The following SLC16A7 variants were observed in gnomAD, a reference collection of about 807,000 sequenced individuals.
The protein encoded by SLC16A7 is solute carrier family 16 member 7.
A neutral mutation model predicts 34.9 loss-of-function variants in SLC16A7; 33 were observed. That is an observed-to-expected ratio of 0.94 (90% CI 0.72 to 1.26). The LOEUF (loss-of-function observed/expected upper bound fraction) is 1.26, where lower values mean the gene tolerates loss of function less well. Ranked by LOEUF, SLC16A7 falls within the 50% of genes most tolerant of loss-of-function variation. The pLI is 0.00. For synonymous variants in SLC16A7, 201 were observed against 206.6 expected, an observed-to-expected ratio of 0.97 and a Z score of 0.23; for missense variants, 573 against 578.1, an observed-to-expected ratio of 0.99 and a Z score of 0.09.
At chr12:59,695,551 C>T (rs1454605115) in intron 2 of SLC16A7, among the ~76,000 whole-genome samples, 1 of 152,018 alleles carries the variant, frequency 6.6e-6, no homozygotes, top group Non-Finnish European at 1.5e-5. Context: ...TACTCATAGT[C>T]TTCCTAGTCC....
At chr12:59,723,093 T>A (rs1474056582) in intron 3 of SLC16A7, among the ~76,000 whole-genome samples, 1 of 151,952 alleles carries the variant, frequency 6.6e-6, no homozygotes, top group Non-Finnish European at 1.5e-5. Context: ...AGCAGAGATT[T>A]TTTTTCCTTC....
rs1877349297 is a variant in SLC16A7 at position 59,734,458 on chromosome 12, G to T, written c.217+29440G>T. Among the ~76,000 whole-genome samples, 4 of 152,372 alleles carry T rather than the reference G, an allele frequency of 2.6e-5. 1 individual carries two copies. The highest frequency in any genetic ancestry group is 6.8e-3 in the Middle Eastern group (2 of 294). Reference sequence around the variant, plus strand: ...GCCTGCAGGGGCAGGGGGGCTTCCTGGGCCCCAGAGAGTGCAGGGATGTCC... The same window carrying T: ...GCCTGCAGGGGCAGGGGGGCTTCCTTGGCCCCAGAGAGTGCAGGGATGTCC... On this transcript the variant is annotated intron_variant, in intron 3 of 5. Coordinates refer to ENST00000547379, the MANE Select transcript of SLC16A7 (RefSeq NM_001270623.2).
At chr12:59,694,477 C>G (rs552677445) in intron 2 of SLC16A7, among the ~76,000 whole-genome samples, 2 of 152,024 alleles carry the variant, frequency 1.3e-5, no homozygotes, top group East Asian at 1.9e-4. Flanking sequence ...TTAAATATAT[C>G]CACATCCAAA....
intron 3 of SLC16A7, among the ~76,000 whole-genome samples, chr12:59,724,375 A>C (rs1485427256): frequency 1.3e-5 from 2 of 152,088 alleles, no homozygotes; most frequent in African/African-American, 4.8e-5. Flanking sequence ...ATACTAAAGA[A>C]AGAAGAAAAT....
intron 3 of SLC16A7, chr12:59,719,881 A>T: frequency 1.9e-6 from 1 of 514,600 alleles, no homozygotes; most frequent in Non-Finnish European, 3.4e-6. Context: ...CCCAAAATAG[A>T]CAATTTTCCG....
chr12:59,681,272 C>T (rs1379478718), intron 2 of SLC16A7, among the ~76,000 whole-genome samples: 1 of 152,216 alleles, frequency 6.6e-6, no homozygotes, highest in African/African-American at 2.4e-5. Context: ...ACCATGTCAT[C>T]CATCTTGTTT....
intron 1 of SLC16A7, among the ~76,000 whole-genome samples, chr12:59,636,106 A>G (rs1193494606): frequency 3.9e-5 from 6 of 151,954 alleles, no homozygotes; most frequent in Non-Finnish European, 5.9e-5. Context: ...CCAATCTTCA[A>G]ATAAAGCAAA....
chr12:59,777,973 G>A (rs1409578937), intron 5 of SLC16A7, among the ~76,000 whole-genome samples: 1 of 151,978 alleles, frequency 6.6e-6, no homozygotes, highest in African/African-American at 2.4e-5. Flanking sequence ...CCCTACAGAG[G>A]ACATGAACTC....
At chr12:59,760,977 ATTGTGCATGGATTCTTCTG>A in intron 3 of SLC16A7, 1 of 319,174 alleles carries the variant, frequency 3.1e-6, no homozygotes, top group Non-Finnish European at 6.1e-6. Context: ...ATATCGTAAC[ATTGTGCATGGATTCTTCTG>A]TTAAATATTA....
intron 3 of SLC16A7, chr12:59,719,981 G>A (rs1191631086): frequency 1.9e-5 from 12 of 646,848 alleles, no homozygotes; most frequent in Non-Finnish European, 3.0e-5. Context: ...GAAACAGGAT[G>A]CATACCTGGG....
At chr12:59,703,670 G>A (rs1240228434) in intron 2 of SLC16A7, among the ~76,000 whole-genome samples, 9 of 152,042 alleles carry the variant, frequency 5.9e-5, no homozygotes, top group Non-Finnish European at 1.2e-4. Context: ...GGAGTGCAGT[G>A]GCTCCATCAG....
chr12:59,649,503 T>A (rs1868304748), intron 1 of SLC16A7, among the ~76,000 whole-genome samples: 1 of 152,154 alleles, frequency 6.6e-6, no homozygotes, highest in Admixed American at 6.6e-5. Context: ...AACCACATTA[T>A]TATTTGAGCT....
intron 3 of SLC16A7, among the ~76,000 whole-genome samples, chr12:59,716,804 C>A (rs887797950): frequency 9.2e-5 from 14 of 151,960 alleles, no homozygotes; most frequent in Admixed American, 9.2e-4. Context: ...TGAGATGGCA[C>A]CACTTCACTC....
At chr12:59,630,370 G>A (rs547335737) in intron 1 of SLC16A7, among the ~76,000 whole-genome samples, 380 of 152,012 alleles carry the variant, frequency 2.5e-3, no homozygotes, top group Non-Finnish European at 4.7e-3. Flanking sequence ...ACAGTTGGAA[G>A]ATCATGCTTT....
At chr12:59,661,369 G>A (rs887059407) in intron 2 of SLC16A7, among the ~76,000 whole-genome samples, 3 of 152,050 alleles carry the variant, frequency 2.0e-5, no homozygotes, top group Admixed American at 1.3e-4. Context: ...TTTCATTTTA[G>A]AGAAGAGGAG....
chr12:59,644,049 G>A (rs147337813), intron 1 of SLC16A7, among the ~76,000 whole-genome samples: 184 of 152,196 alleles, frequency 1.2e-3, no homozygotes, highest in Non-Finnish European at 2.1e-3. Flanking sequence ...TATGGATACA[G>A]CATTTGATAA....
chr12:59,757,022 C>T lies in SLC16A7; in HGVS notation c.218-14197C>T, dbSNP rs1004559872. 9.9e-5 allele frequency among the ~76,000 whole-genome samples: 14 copies of T among 141,348 alleles called. 1 individual carries two copies. Among genetic ancestry groups the T allele is most frequent in the African/African-American group, 1.6e-4 (6 of 37,344 alleles). 92.7% of individuals were successfully genotyped at this position (141,348 alleles called of 152,430 possible). On this transcript the variant is annotated intron_variant, in intron 3 of 5. Coordinates refer to ENST00000547379, the MANE Select transcript of SLC16A7 (RefSeq NM_001270623.2). Reference sequence around the variant, plus strand: ...ATCTCAAGAACAAAAAACCAAACACCGCATATTCTCACTCATAGGTGGGAA... The same window carrying T: ...ATCTCAAGAACAAAAAACCAAACACTGCATATTCTCACTCATAGGTGGGAA...
At chr12:59,740,076 T>C (rs537186751) in intron 3 of SLC16A7, among the ~76,000 whole-genome samples, 6,393 of 151,076 alleles carry the variant, frequency 0.042, 417 homozygotes, top group African/African-American at 0.15. Context: ...ATTTTGGCTT[T>C]TGTTGCCATT....
At chr12:59,649,661 G>C (rs1376932712) in intron 1 of SLC16A7, among the ~76,000 whole-genome samples, 1 of 152,052 alleles carries the variant, frequency 6.6e-6, no homozygotes, top group Non-Finnish European at 1.5e-5. Flanking sequence ...TACTTTAAAA[G>C]TTCTAGGCCA....
Sources: allele counts gnomAD v4.1 joint callset (sites outside exome capture counted in the v4.1 genomes callset), GRCh38; gene constraint gnomAD v4.1.1; transcripts MANE v1.5; gene names NCBI Gene and HGNC (gene_info 2026-07-23, HGNC 2026-07-21).